Variants in GPHN observed in about 807,000 individuals in gnomAD.
GPHN encodes gephyrin.
Under a neutral mutation model 95.5 loss-of-function variants are expected in GPHN, and 17 were observed. The observed-to-expected ratio is 0.18, with a 90% CI of 0.12 to 0.27. GPHN has a LOEUF of 0.27. GPHN is among the 10% of genes least tolerant of loss of function. The probability of loss-of-function intolerance (pLI) is 1.00; values close to 1 mark genes in which losing one functional copy is unlikely to be tolerated. For synonymous variants in GPHN, 320 were observed against 322.5 expected, an observed-to-expected ratio of 0.99 and a Z score of 0.08; for missense variants, 660 against 978.1, an observed-to-expected ratio of 0.67 and a Z score of 4.34.
At chr14:67,665,599 T>C in the GPHN span, among the ~76,000 whole-genome samples, 4 of 152,232 alleles carry the variant, frequency 2.6e-5, no homozygotes, top group East Asian at 7.7e-4. Context: ...CCATAAATCA[T>C]TTTGGATGCG....
chr14:66,717,197 T>C (rs1043239399), intron 2 of GPHN, among the ~76,000 whole-genome samples: 2 of 152,218 alleles, frequency 1.3e-5, no homozygotes, highest in Non-Finnish European at 2.9e-5. Flanking sequence ...TATTGTCTTA[T>C]TATTTTTTCT....
At chr14:66,734,683 T>A (rs972284470) in intron 2 of GPHN, among the ~76,000 whole-genome samples, 1 of 152,188 alleles carries the variant, frequency 6.6e-6, no homozygotes, top group Non-Finnish European at 1.5e-5. Context: ...CCAGTCTTCT[T>A]AGTAAAGTCT....
chr14:67,170,596 A>G (rs1239105654), intron 21 of GPHN, among the ~76,000 whole-genome samples: 1 of 152,208 alleles, frequency 6.6e-6, no homozygotes, highest in African/African-American at 2.4e-5. Context: ...CAAAGATGAG[A>G]TGGTACTTTG....
At chr14:66,838,181 A>G (rs2061934103) in intron 4 of GPHN, among the ~76,000 whole-genome samples, 1 of 152,134 alleles carries the variant, frequency 6.6e-6, no homozygotes, top group South Asian at 2.1e-4. Context: ...CTGTTTTCTT[A>G]TGTGTAAAAT....
chr14:67,528,151 G>T, the GPHN span, among the ~76,000 whole-genome samples: 48 of 152,276 alleles, frequency 3.2e-4, 1 homozygote, highest in African/African-American at 1.1e-3. Context: ...CTTTCTCTTG[G>T]CTTGGGTCTG....
intron 9 of GPHN, among the ~76,000 whole-genome samples, chr14:66,975,407 A>C (rs762239376): frequency 6.6e-6 from 1 of 152,216 alleles, no homozygotes; most frequent in Admixed American, 6.5e-5. Flanking sequence ...TTATGTCTTC[A>C]TGAGTTTAAT....
intron 2 of GPHN, among the ~76,000 whole-genome samples, chr14:66,733,198 GTC>G (rs1216954494): frequency 6.6e-6 from 1 of 151,820 alleles, no homozygotes; most frequent in Non-Finnish European, 1.5e-5. Context: ...CTTGTGCTAG[GTC>G]TCTCTTGCTT....
chr14:66,592,959 C>T (rs2061819923), intron 1 of GPHN, among the ~76,000 whole-genome samples: 1 of 152,200 alleles, frequency 6.6e-6, no homozygotes, highest in South Asian at 2.1e-4. Flanking sequence ...TCATGGAATA[C>T]TATGGAGCCA....
intron 9 of GPHN, among the ~76,000 whole-genome samples, chr14:66,994,542 A>C (rs2071654290): frequency 6.6e-6 from 1 of 152,196 alleles, no homozygotes; most frequent in African/African-American, 2.4e-5. Flanking sequence ...AACTGACTTT[A>C]ATTCAAAGAT....
At chr14:66,919,476 G>T (rs1596370416) in intron 6 of GPHN, among the ~76,000 whole-genome samples, 1 of 152,140 alleles carries the variant, frequency 6.6e-6, no homozygotes, top group Admixed American at 6.5e-5. Flanking sequence ...TCAATCTCCT[G>T]CAGTTCAAGA....
chr14:67,340,245 T>C, the GPHN span: 1 of 512,374 alleles, frequency 2.0e-6, no homozygotes, highest in Non-Finnish European at 3.5e-6. Flanking sequence ...GGAAATGCCA[T>C]GTTATAGGTA....
chr14:66,996,080 A>C, intron 9 of GPHN: 1 of 761,486 alleles, frequency 1.3e-6, no homozygotes, highest in Non-Finnish European at 2.3e-6. Context: ...TATCTGGCCA[A>C]GTGTGTTGGT....
the GPHN span, among the ~76,000 whole-genome samples, chr14:67,715,717 TACTC>T: frequency 6.6e-6 from 1 of 152,232 alleles, no homozygotes; most frequent in Non-Finnish European, 1.5e-5. Context: ...AATTTTGCAA[TACTC>T]ACGAAGTTGC....
At chr14:66,863,356 G>A (rs897545161) in intron 4 of GPHN, among the ~76,000 whole-genome samples, 9 of 151,998 alleles carry the variant, frequency 5.9e-5, no homozygotes, top group African/African-American at 2.2e-4. Flanking sequence ...CATGTTCATG[G>A]GTTGGAAAAA....
chr14:66,964,928 T>C (rs2069208055), intron 8 of GPHN, among the ~76,000 whole-genome samples: 2 of 152,186 alleles, frequency 1.3e-5, no homozygotes, highest in Non-Finnish European at 2.9e-5. Flanking sequence ...AGTATATGAA[T>C]GACCAATCCT....
At chr14:66,575,757 A>G (rs560835409) in intron 1 of GPHN, among the ~76,000 whole-genome samples, 2 of 152,140 alleles carry the variant, frequency 1.3e-5, no homozygotes, top group Admixed American at 6.5e-5. Context: ...TTGTAGGGGC[A>G]TGGAACCTGT....
chr14:67,500,193 A>G, the GPHN span, among the ~76,000 whole-genome samples: 2 of 152,064 alleles, frequency 1.3e-5, no homozygotes, highest in Non-Finnish European at 2.9e-5. Context: ...AGAAAACAAT[A>G]GGCCATATGC....
At chr14:67,077,764 T>A (rs1262507510) in intron 11 of GPHN, among the ~76,000 whole-genome samples, 1 of 152,192 alleles carries the variant, frequency 6.6e-6, no homozygotes, top group Non-Finnish European at 1.5e-5. Flanking sequence ...ATATGTGTAC[T>A]ACTAACAACA....
chr14:66,681,131 T>G lies in GPHN; in HGVS notation c.89T>G (p.Leu30Arg). Reference sequence around the variant, plus strand: ...GTGAGTGATAGTTGCTTCAGGAATCTTGCAGAAGACCGCAGTGGGATAAAT... The same window carrying G: ...GTGAGTGATAGTTGCTTCAGGAATCGTGCAGAAGACCGCAGTGGGATAAAT... Reference protein sequence around the residue: ...LTVSDSCFRNLAEDRSGINLK... With the variant: ...LTVSDSCFRNRAEDRSGINLK... Residue 30 changes from leucine (L) to arginine (R), a missense_variant, in exon 2 of 23, where the codon CTT (leucine) becomes CGT (arginine). By Grantham distance (102) the Leu-to-Arg change is moderately radical. This residue lies in a region of GPHN where 92 missense variants were observed against 91.9 expected (regional missense o/e 1.00). Transcript: ENST00000478722. The G allele has an allele frequency of 6.3e-7, 1 of 1,598,784 alleles. No individual in the cohort carries two copies. Among genetic ancestry groups the G allele is most frequent in the Non-Finnish European group, 8.6e-7 (1 of 1,167,350 alleles).
Sources: allele counts gnomAD v4.1 joint callset (sites outside exome capture counted in the v4.1 genomes callset), GRCh38; gene constraint gnomAD v4.1.1; regional missense constraint gnomAD v4.1.1; transcripts MANE v1.5; gene names NCBI Gene and HGNC (gene_info 2026-07-23, HGNC 2026-07-21).